Variants in CDH12 observed in about 807,000 individuals in gnomAD.
CDH12 encodes cadherin-12.
Under a neutral mutation model 74.1 loss-of-function variants are expected in CDH12, and 41 were observed. The observed-to-expected ratio is 0.55, with a 90% CI of 0.43 to 0.72. The LOEUF (loss-of-function observed/expected upper bound fraction) is 0.72. Among genes scored for constraint, CDH12 ranks in the 30% least tolerant of loss-of-function variants. The pLI, the probability that CDH12 is intolerant of heterozygous loss-of-function variation, is 0.00. For synonymous variants in CDH12, 399 were observed against 355.0 expected, an observed-to-expected ratio of 1.12 and a Z score of -1.39; for missense variants, 945 against 977.2, an observed-to-expected ratio of 0.97 and a Z score of 0.44.
At chr5:22,125,619 A>G (rs1366516210) in intron 4 of CDH12, among the ~76,000 whole-genome samples, 2 of 152,080 alleles carry the variant, frequency 1.3e-5, no homozygotes, top group South Asian at 2.1e-4. Flanking sequence ...CTCATCTTAG[A>G]CTGCACTTCT....
rs569024930 is a variant in CDH12, at chr5:22,278,550, T to G, written c.-332-65907A>C. 8.4e-4 allele frequency among the ~76,000 whole-genome samples: 125 copies of G among 148,240 alleles called. 4 individuals carry two copies. In the South Asian group the frequency reaches 0.026, roughly 31 times the overall value. ...TTTTAGAATTTTCCCAGCCCTCCCT[T>G]TTTTTTTTAACTCAGATTTTGACAC... On this transcript the variant is annotated intron_variant, in intron 3 of 14. Transcript: ENST00000382254.
chr5:22,676,508 G>A (rs542220367), intron 1 of CDH12, among the ~76,000 whole-genome samples: 133 of 152,268 alleles, frequency 8.7e-4, no homozygotes, highest in Middle Eastern at 3.4e-3. Flanking sequence ...CACACAGAGC[G>A]TGCTTACTCA....
At chr5:22,821,145 C>T (rs909980391) in intron 1 of CDH12, among the ~76,000 whole-genome samples, 2 of 152,118 alleles carry the variant, frequency 1.3e-5, no homozygotes. Context: ...ACATGATTAT[C>T]TCAATAGATG....
chr5:22,567,554 A>T (rs1341841408), intron 1 of CDH12, among the ~76,000 whole-genome samples: 1 of 152,224 alleles, frequency 6.6e-6, no homozygotes, highest in Non-Finnish European at 1.5e-5. Context: ...CTCAAGTCCT[A>T]GAAAAGTATT....
chr5:22,746,048 C>T (rs965670571), intron 1 of CDH12, among the ~76,000 whole-genome samples: 1 of 151,700 alleles, frequency 6.6e-6, no homozygotes, highest in African/African-American at 2.4e-5. Context: ...ATAATAGGTC[C>T]ATGTATGAAA....
chr5:22,042,898 A>G (rs1239327347), intron 5 of CDH12, among the ~76,000 whole-genome samples: 1 of 151,386 alleles, frequency 6.6e-6, no homozygotes, highest in East Asian at 1.9e-4. Flanking sequence ...TCAAAAAAAA[A>G]AAAAAAAAAA....
chr5:22,547,875 G>A (rs542271393), intron 1 of CDH12, among the ~76,000 whole-genome samples: 2 of 152,018 alleles, frequency 1.3e-5, no homozygotes, highest in Non-Finnish European at 2.9e-5. Flanking sequence ...TCAGTCTCTC[G>A]AGCACTATTT....
chr5:22,464,587 C>T (rs1745649676), intron 2 of CDH12, among the ~76,000 whole-genome samples: 1 of 152,214 alleles, frequency 6.6e-6, no homozygotes, highest in Admixed American at 6.5e-5. Flanking sequence ...CATCCCATCA[C>T]TACAAACTCT....
chr5:22,039,267 C>T (rs1248228851), intron 5 of CDH12, among the ~76,000 whole-genome samples: 5 of 152,074 alleles, frequency 3.3e-5, no homozygotes, highest in African/African-American at 1.2e-4. Flanking sequence ...CAGAGTACCT[C>T]TTCTTCTCCA....
intron 1 of CDH12, among the ~76,000 whole-genome samples, chr5:22,789,018 T>C (rs1471350257): frequency 6.6e-6 from 1 of 152,012 alleles, no homozygotes; most frequent in Non-Finnish European, 1.5e-5. Context: ...CGTGTGTATG[T>C]CAGGAAATCA....
At chr5:22,110,141 C>A (rs1744721478) in intron 4 of CDH12, among the ~76,000 whole-genome samples, 2 of 152,280 alleles carry the variant, frequency 1.3e-5, no homozygotes, top group South Asian at 2.1e-4. Flanking sequence ...GGGAGGACAT[C>A]TTTCCTATGA....
intron 4 of CDH12, among the ~76,000 whole-genome samples, chr5:22,138,623 A>G (rs1245355019): frequency 6.6e-6 from 1 of 150,532 alleles, no homozygotes; most frequent in Non-Finnish European, 1.5e-5. Context: ...TAATTTTAAC[A>G]CATCAGGTGC....
At chr5:22,211,676 G>A (rs2150362723) in intron 4 of CDH12, among the ~76,000 whole-genome samples, 1 of 151,878 alleles carries the variant, frequency 6.6e-6, no homozygotes, top group East Asian at 1.9e-4. Flanking sequence ...GGTTTAATCT[G>A]AATTACCTGG....
rs1743993266 is a variant in CDH12 at position 22,099,251 on chromosome 5, C to A, written c.-186-20389G>T. Among the ~76,000 whole-genome samples, 4 of 152,214 alleles carry A rather than the reference C, an allele frequency of 2.6e-5. No individual in the cohort carries two copies. In the South Asian group the frequency reaches 8.3e-4, roughly 32 times the overall value. ...ACCTCTATACGGTCTGATAACAGAC[C>A]AGCCTTTACTAGTCGAATCACCCAA... On this transcript the variant is annotated intron_variant, in intron 4 of 14. Transcript: ENST00000382254.
chr5:22,069,270 G>A (rs1359142830), intron 5 of CDH12, among the ~76,000 whole-genome samples: 1 of 152,108 alleles, frequency 6.6e-6, no homozygotes, highest in East Asian at 1.9e-4. Flanking sequence ...AAAGCAGCTA[G>A]CTTGAAGGGA....
In CDH12 at chr5:21,929,504, G is replaced by A. The variant is rs183656382; in HGVS notation, c.526+45587C>T. Among the ~76,000 whole-genome samples, 666 of 151,964 alleles carry A rather than the reference G, an allele frequency of 4.4e-3. 1 individual carries two copies. Among genetic ancestry groups the A allele is most frequent in the African/African-American group, 0.015 (632 of 41,418 alleles). On this transcript the variant is annotated intron_variant, in intron 6 of 14. Coordinates refer to ENST00000382254, the MANE Select transcript of CDH12 (RefSeq NM_004061.5). ...GAGAATCTAATGCTACCACTGATCTGACAGGAGGCAGAGCTCAGGTGGTAA... is the reference window on the plus strand; with the variant it reads ...GAGAATCTAATGCTACCACTGATCTAACAGGAGGCAGAGCTCAGGTGGTAA...
At chr5:22,676,491 G>A (rs1741196681) in intron 1 of CDH12, among the ~76,000 whole-genome samples, 1 of 152,152 alleles carries the variant, frequency 6.6e-6, no homozygotes, top group South Asian at 2.1e-4. Context: ...ATCTTACCCA[G>A]ATTTGTCACA....
chr5:22,672,671 T>A (rs1350976579), intron 1 of CDH12, among the ~76,000 whole-genome samples: 1 of 152,176 alleles, frequency 6.6e-6, no homozygotes, highest in Non-Finnish European at 1.5e-5. Flanking sequence ...TCTGTGGTAT[T>A]TTGTTAAAGC....
chr5:22,514,746 C>G (rs1736737728), intron 1 of CDH12, among the ~76,000 whole-genome samples: 1 of 152,086 alleles, frequency 6.6e-6, no homozygotes. Flanking sequence ...TAATCATCCC[C>G]TTAGAAAATA....
Sources: gnomAD v4.1 joint callset for allele counts (sites outside exome capture counted in the v4.1 genomes callset) on GRCh38, gnomAD v4.1.1 for gene constraint, MANE v1.5 for transcripts, NCBI Gene and HGNC (gene_info 2026-07-23, HGNC 2026-07-21) for gene names.